C12orf42: variants seen among roughly 807,000 people sequenced by gnomAD.
The protein encoded by C12orf42 is uncharacterized protein C12orf42.
In C12orf42, 25 loss-of-function variants were observed where a neutral mutation model predicts 21.6. That is an observed-to-expected ratio of 1.16 (90% confidence interval 0.84 to 1.62). The LOEUF (loss-of-function observed/expected upper bound fraction) is 1.62. C12orf42 is among the 40% of genes most tolerant of loss of function. The pLI is 0.00. For missense variants in C12orf42, 483 were observed against 459.3 expected (o/e 1.05, Z -0.47); for synonymous variants, 174 against 175.0 (o/e 0.99, Z 0.05).
At chr12:103,274,590 T>C (rs1344483003) in intron 5 of C12orf42, among the ~76,000 whole-genome samples, 1 of 152,196 alleles carries the variant, frequency 6.6e-6, no homozygotes, top group Non-Finnish European at 1.5e-5. Context: ...CATTGATTCA[T>C]CTGGGCATAG....
the C12orf42 span, among the ~76,000 whole-genome samples, chr12:103,090,312 G>T: frequency 1.3e-5 from 2 of 152,074 alleles, no homozygotes; most frequent in Non-Finnish European, 2.9e-5. Context: ...ATGGGATTCG[G>T]GATGAGGCAC....
At chr12:103,332,758 G>C (rs1053371463) in intron 4 of C12orf42, among the ~76,000 whole-genome samples, 1 of 152,218 alleles carries the variant, frequency 6.6e-6, no homozygotes, top group African/African-American at 2.4e-5. Flanking sequence ...TTGGAAATAG[G>C]TTCCTTACAG....
At chr12:103,461,626 G>A (rs925019984) in intron 2 of C12orf42, among the ~76,000 whole-genome samples, 1 of 152,176 alleles carries the variant, frequency 6.6e-6, no homozygotes, top group Non-Finnish European at 1.5e-5. Context: ...TAGGAATCTA[G>A]AGACTTGAAT....
the C12orf42 span, among the ~76,000 whole-genome samples, chr12:103,126,147 C>T: frequency 1.3e-5 from 2 of 152,152 alleles, no homozygotes; most frequent in South Asian, 4.1e-4. Flanking sequence ...AGGGTGGCAG[C>T]ACAAGGAAGA....
chr12:103,158,646 C>T, the C12orf42 span, among the ~76,000 whole-genome samples: 7 of 151,918 alleles, frequency 4.6e-5, no homozygotes, highest in African/African-American at 9.7e-5. Flanking sequence ...TTTGGGAGGC[C>T]GATGTAGGCT....
chr12:103,243,844 T>C (rs947859503), intron 10 of C12orf42, among the ~76,000 whole-genome samples: 8 of 152,082 alleles, frequency 5.3e-5, no homozygotes, highest in Admixed American at 3.9e-4. Flanking sequence ...GCAAAATAAA[T>C]ATGTGTTATA....
the C12orf42 span, among the ~76,000 whole-genome samples, chr12:103,120,152 C>G: frequency 6.6e-6 from 1 of 152,172 alleles, no homozygotes; most frequent in South Asian, 2.1e-4. Context: ...ATAGGAGACA[C>G]AGATATGAAT....
At chr12:103,425,083 G>A (rs1200443720) in intron 2 of C12orf42, among the ~76,000 whole-genome samples, 1 of 152,188 alleles carries the variant, frequency 6.6e-6, no homozygotes, top group Non-Finnish European at 1.5e-5. Flanking sequence ...GTAGGAACTG[G>A]ACGGAGTCCA....
intron 2 of C12orf42, among the ~76,000 whole-genome samples, chr12:103,421,898 T>A (rs987067213): frequency 6.6e-6 from 1 of 152,208 alleles, no homozygotes; most frequent in African/African-American, 2.4e-5. Flanking sequence ...CTGTCTTATA[T>A]TCCTGGTTAC....
the C12orf42 span, among the ~76,000 whole-genome samples, chr12:103,530,768 G>A: frequency 3.3e-5 from 5 of 152,086 alleles, no homozygotes; most frequent in African/African-American, 7.2e-5. Flanking sequence ...AGACCTAATC[G>A]GTTCAAATGC....
At chr12:103,292,041 A>T (rs1207713036) in intron 4 of C12orf42, among the ~76,000 whole-genome samples, 5 of 152,206 alleles carry the variant, frequency 3.3e-5, no homozygotes, top group Non-Finnish European at 7.3e-5. Context: ...CAATCAATGG[A>T]TAAACAAAAT....
At chr12:103,109,737 G>A in the C12orf42 span, among the ~76,000 whole-genome samples, 1 of 151,224 alleles carries the variant, frequency 6.6e-6, no homozygotes, top group Admixed American at 6.6e-5. Flanking sequence ...TAGACACCAT[G>A]AACAAATAAA....
chr12:103,223,306 G>T, the C12orf42 span, among the ~76,000 whole-genome samples: 1 of 152,102 alleles, frequency 6.6e-6, no homozygotes, highest in African/African-American at 2.4e-5. Flanking sequence ...GGGAGGTCTT[G>T]TGGTAAGGGG....
At chr12:103,200,103 GA>G in the C12orf42 span, among the ~76,000 whole-genome samples, 201 of 150,048 alleles carry the variant, frequency 1.3e-3, no homozygotes, top group South Asian at 5.1e-3. Context: ...CAGATGAATG[GA>G]AAAAAAAATA....
the C12orf42 span, among the ~76,000 whole-genome samples, chr12:103,116,490 A>T: frequency 2.6e-5 from 4 of 151,666 alleles, no homozygotes; most frequent in African/African-American, 4.8e-5. Flanking sequence ...GGCCAATCTT[A>T]GTCGTTCACT....
chr12:103,055,786 T>C, the C12orf42 span, among the ~76,000 whole-genome samples: 4 of 152,078 alleles, frequency 2.6e-5, no homozygotes, highest in African/African-American at 9.6e-5. Flanking sequence ...TAAATTCTTC[T>C]TGAGACTTCT....
At chr12:103,333,533 T>C (rs2041426945) in intron 4 of C12orf42, among the ~76,000 whole-genome samples, 1 of 152,194 alleles carries the variant, frequency 6.6e-6, no homozygotes, top group Admixed American at 6.5e-5. Context: ...TAAAAATCAA[T>C]TTCAGAAGCA....
At chr12:103,050,016 G>A in the C12orf42 span, among the ~76,000 whole-genome samples, 4 of 152,082 alleles carry the variant, frequency 2.6e-5, no homozygotes, top group Admixed American at 2.0e-4. Context: ...GTTGCCCCCC[G>A]CTAAGCAATG....
the C12orf42 span, chr12:103,559,533 AC>A: frequency 6.6e-6 from 1 of 152,182 alleles, no homozygotes; most frequent in African/African-American, 2.4e-5. Flanking sequence ...GGTCTCAGGG[AC>A]CCTGACACAG....
Sources: gnomAD v4.1 joint callset for allele counts (sites outside exome capture counted in the v4.1 genomes callset) on GRCh38, gnomAD v4.1.1 for gene constraint, MANE v1.5 for transcripts, NCBI Gene and HGNC (gene_info 2026-07-23, HGNC 2026-07-21) for gene names.